Variants in CCDC148 observed in about 807,000 individuals in gnomAD.
The protein encoded by CCDC148 is coiled-coil domain containing 148.
CCDC148 carries 89 observed loss-of-function variants against 85.7 expected under a neutral mutation model. The ratio of observed to expected loss-of-function variants is 1.04; its 90% CI spans 0.87 to 1.24. The LOEUF (loss-of-function observed/expected upper bound fraction) is 1.24, where lower values mean the gene tolerates loss of function less well. Among genes scored for constraint, CCDC148 ranks in the 50% most tolerant of loss-of-function variants. The pLI, the probability that CCDC148 is intolerant of heterozygous loss-of-function variation, is 0.00. For missense variants in CCDC148, 692 were observed against 671.7 expected (o/e 1.03, Z -0.33); for synonymous variants, 230 against 213.9 (o/e 1.08, Z -0.66).
chr2:158,439,000 A>G (rs1247466090), intron 1 of CCDC148, among the ~76,000 whole-genome samples: 1 of 152,232 alleles, frequency 6.6e-6, no homozygotes, highest in Non-Finnish European at 1.5e-5. Context: ...GGATGTGGAG[A>G]AATAGGAACA....
At chr2:158,294,825 AAAAAAAAAC>A (rs1301366543) in intron 9 of CCDC148, among the ~76,000 whole-genome samples, 17 of 142,976 alleles carry the variant, frequency 1.2e-4, no homozygotes, top group Admixed American at 6.5e-4. Context: ...CTCTGTCAAA[AAAAAAAAAC>A]AAAAAAAAAC....
rs569619572 is a variant in CCDC148 at position 158,260,761 on chromosome 2, C to T, written c.1111-9849G>A. On this transcript the variant is annotated intron_variant, in intron 9 of 13. Transcript: ENST00000283233. Reference sequence around the variant, plus strand: ...GCCAAAACACGAATGCAATCTGATTCACAATTGTCACAAAAAGAATAAAAT... The same window carrying T: ...GCCAAAACACGAATGCAATCTGATTTACAATTGTCACAAAAAGAATAAAAT... 4.6e-5 allele frequency among the ~76,000 whole-genome samples: 7 copies of T among 152,072 alleles called. No individual in the cohort carries two copies. In the East Asian group the frequency reaches 1.4e-3, roughly 29 times the overall value.
intron 11 of CCDC148, among the ~76,000 whole-genome samples, chr2:158,212,177 G>A (rs993367515): frequency 2.6e-5 from 4 of 152,108 alleles, no homozygotes; most frequent in Non-Finnish European, 5.9e-5. Context: ...AGTGATCTTT[G>A]GACTATATCA....
At chr2:158,407,020 C>G (rs1193954596) in intron 1 of CCDC148, among the ~76,000 whole-genome samples, 2 of 152,086 alleles carry the variant, frequency 1.3e-5, no homozygotes, top group African/African-American at 4.8e-5. Flanking sequence ...CCCTCTGTCT[C>G]CCTTTCTTTC....
intron 11 of CCDC148, among the ~76,000 whole-genome samples, chr2:158,182,061 T>A (rs1328226862): frequency 6.6e-6 from 1 of 151,880 alleles, no homozygotes; most frequent in Admixed American, 6.6e-5. Flanking sequence ...GAGGAAATTT[T>A]CTCTTACACA....
At chr2:158,195,577 A>AGCT (rs1685631591) in intron 11 of CCDC148, among the ~76,000 whole-genome samples, 1 of 152,144 alleles carries the variant, frequency 6.6e-6, no homozygotes, top group Non-Finnish European at 1.5e-5. Flanking sequence ...TTTGAGAGGG[A>AGCT]CCCATTGTCC....
intron 9 of CCDC148, among the ~76,000 whole-genome samples, chr2:158,261,714 T>C (rs568543651): frequency 1.3e-5 from 2 of 152,024 alleles, no homozygotes; most frequent in South Asian, 4.1e-4. Context: ...CATGAACAGA[T>C]ACTTTTCAAA....
intron 5 of CCDC148, 51 bp from the exon 6 acceptor site, chr2:158,339,136 T>C (rs1287856877): frequency 4.1e-6 from 5 of 1,228,338 alleles, no homozygotes; most frequent in East Asian, 2.3e-5. Flanking sequence ...ATTCATTCCA[T>C]ATTTATATTT....
chr2:158,306,037 T>A lies in CCDC148; in HGVS notation c.1110+3396A>T, dbSNP rs139324464. 2.8e-3 allele frequency among the ~76,000 whole-genome samples: 431 copies of A among 152,314 alleles called. 3 individuals carry two copies. The highest frequency in any genetic ancestry group is 9.7e-3 in the African/African-American group (402 of 41,556). On this transcript the variant is annotated intron_variant, in intron 9 of 13. Coordinates refer to ENST00000283233, the MANE Select transcript of CCDC148 (RefSeq NM_138803.4). ...TACACACTGTTGAGTTACACTTACATGACCTTCTAGAAGAGGCAAAACTAT... is the reference window on the plus strand; with the variant it reads ...TACACACTGTTGAGTTACACTTACAAGACCTTCTAGAAGAGGCAAAACTAT...
At chr2:158,275,479 C>A (rs1031091961) in intron 9 of CCDC148, among the ~76,000 whole-genome samples, 1 of 152,190 alleles carries the variant, frequency 6.6e-6, no homozygotes, top group South Asian at 2.1e-4. Flanking sequence ...TAGGTTTTTC[C>A]TTTCTCAAAA....
At chr2:158,253,839 T>C (rs1036860006) in intron 9 of CCDC148, among the ~76,000 whole-genome samples, 4 of 151,582 alleles carry the variant, frequency 2.6e-5, no homozygotes, top group Admixed American at 1.3e-4. Context: ...AACAAACATA[T>C]GGAATAATCT....
At chr2:158,412,324 T>A (rs1261508664) in intron 1 of CCDC148, among the ~76,000 whole-genome samples, 1 of 152,196 alleles carries the variant, frequency 6.6e-6, no homozygotes, top group East Asian at 1.9e-4. Flanking sequence ...CTCCTAGAGC[T>A]ATTTTCATCC....
chr2:158,374,454 CA>C (rs1684574439), intron 1 of CCDC148, among the ~76,000 whole-genome samples: 1 of 151,912 alleles, frequency 6.6e-6, no homozygotes, highest in African/African-American at 2.4e-5. Context: ...CACTATGATA[CA>C]TACCATATGA....
intron 9 of CCDC148, among the ~76,000 whole-genome samples, chr2:158,300,116 T>C (rs905969747): frequency 6.6e-6 from 1 of 152,248 alleles, no homozygotes; most frequent in Non-Finnish European, 1.5e-5. Flanking sequence ...TATTCAATGT[T>C]GACAATTCAG....
intron 1 of CCDC148, among the ~76,000 whole-genome samples, chr2:158,408,610 C>G (rs1415911738): frequency 1.3e-5 from 2 of 152,076 alleles, no homozygotes; most frequent in Non-Finnish European, 2.9e-5. Context: ...CACACATACA[C>G]AGACACACAT....
At chr2:158,312,599 C>CAAAAAAAA (rs1182789527) in intron 8 of CCDC148, among the ~76,000 whole-genome samples, 1 of 135,508 alleles carries the variant, frequency 7.4e-6, no homozygotes, top group Non-Finnish European at 1.6e-5. Flanking sequence ...AAAAAAAAAC[C>CAAAAAAAA]AAAAAACAAA....
chr2:158,259,910 A>C (rs1309347246), intron 9 of CCDC148, among the ~76,000 whole-genome samples: 1 of 151,906 alleles, frequency 6.6e-6, no homozygotes, highest in Non-Finnish European at 1.5e-5. Flanking sequence ...TCAGTGTCCC[A>C]TCCTAATGAT....
intron 9 of CCDC148, among the ~76,000 whole-genome samples, chr2:158,284,504 G>T (rs1329185559): frequency 2.0e-5 from 3 of 152,136 alleles, no homozygotes; most frequent in African/African-American, 7.2e-5. Flanking sequence ...CTGAGGGTAA[G>T]CACTGGGGCA....
intron 1 of CCDC148, among the ~76,000 whole-genome samples, chr2:158,446,601 A>C (rs1688166975): frequency 6.6e-6 from 1 of 152,148 alleles, no homozygotes; most frequent in Admixed American, 6.5e-5. Context: ...CATTATTTTT[A>C]AAGTTTTTTA....
Sources: allele counts gnomAD v4.1 joint callset (sites outside exome capture counted in the v4.1 genomes callset), GRCh38; gene constraint gnomAD v4.1.1; transcripts MANE v1.5; gene names NCBI Gene and HGNC (gene_info 2026-07-23, HGNC 2026-07-21).